Variants in OLFM3 observed in about 807,000 individuals in gnomAD.
The protein encoded by OLFM3 is noelin-3.
OLFM3 carries 20 observed loss-of-function variants against 48.6 expected under a neutral mutation model. That is an observed-to-expected ratio of 0.41 (90% CI 0.29 to 0.60). The LOEUF (loss-of-function observed/expected upper bound fraction) is 0.60, where lower values mean the gene tolerates loss of function less well. OLFM3 is among the 20% of genes least tolerant of loss of function. The pLI is 0.28. For synonymous variants in OLFM3, 222 were observed against 198.1 expected (o/e 1.12, Z -1.01); for missense variants, 437 against 544.3 (o/e 0.80, Z 1.96).
intron 1 of OLFM3, among the ~76,000 whole-genome samples, chr1:101,933,642 A>G (rs529940735): frequency 1.3e-4 from 20 of 152,262 alleles, no homozygotes; most frequent in Non-Finnish European, 1.5e-4. Flanking sequence ...GAAGACAACC[A>G]TCTCTAAGGC....
At chr1:101,822,383 C>A in intron 4 of OLFM3, among the ~76,000 whole-genome samples, 1 of 152,076 alleles carries the variant, frequency 6.6e-6, no homozygotes, top group East Asian at 1.9e-4. Flanking sequence ...ATTGCCTGTC[C>A]TTGCTTCAGT....
intron 1 of OLFM3, among the ~76,000 whole-genome samples, chr1:101,873,541 T>C (rs74107965): frequency 6.6e-6 from 1 of 151,944 alleles, no homozygotes; most frequent in African/African-American, 2.4e-5. Flanking sequence ...TTAAGGAAAA[T>C]GTAACTGGCT....
chr1:101,983,543 C>T (rs1224917914), intron 1 of OLFM3, among the ~76,000 whole-genome samples: 1 of 152,190 alleles, frequency 6.6e-6, no homozygotes, highest in East Asian at 1.9e-4. Flanking sequence ...TTATGTCCAA[C>T]TCCTAAACTA....
chr1:101,826,566 G>C (rs1169063074), intron 3 of OLFM3, among the ~76,000 whole-genome samples: 1 of 152,078 alleles, frequency 6.6e-6, no homozygotes, highest in Non-Finnish European at 1.5e-5. Context: ...CTGATTTATG[G>C]GTTTGAGTTT....
intron 1 of OLFM3, among the ~76,000 whole-genome samples, chr1:101,912,069 T>C (rs1658776837): frequency 6.6e-6 from 1 of 152,202 alleles, no homozygotes. Context: ...ATCGAGCATC[T>C]CTGAGCTCTG....
rs548219055 is a variant in OLFM3 at position 101,815,458 on chromosome 1, A to G, written c.593-9276T>C. ...CAAGACTCCGTCTCAAAAAAAGAAA[A>G]AAAAAAAAAAAGGTTATCAGGCTGA... On this transcript the variant is annotated intron_variant, in intron 4 of 5. Transcript: ENST00000370103. Among the ~76,000 whole-genome samples the G allele has an allele frequency of 3.5e-4, 53 of 151,834 alleles. No homozygotes were observed. In the East Asian group the frequency reaches 7.4e-3, roughly 21 times the overall value.
chr1:101,960,028 C>T (rs908777219), intron 1 of OLFM3, among the ~76,000 whole-genome samples: 19 of 152,066 alleles, frequency 1.2e-4, no homozygotes, highest in African/African-American at 2.9e-4. Context: ...TTTTGCAACA[C>T]GACACTTGCA....
intron 1 of OLFM3, among the ~76,000 whole-genome samples, chr1:101,874,550 T>A (rs1479680891): frequency 6.6e-6 from 1 of 151,744 alleles, no homozygotes; most frequent in Non-Finnish European, 1.5e-5. Flanking sequence ...CTGTCAAATG[T>A]CTGGTACTAT....
intron 1 of OLFM3, among the ~76,000 whole-genome samples, chr1:101,914,150 T>C (rs1658850401): frequency 6.6e-6 from 1 of 152,196 alleles, no homozygotes; most frequent in East Asian, 1.9e-4. Flanking sequence ...ATGTTTATTA[T>C]ATGTTGTAGT....
At chr1:101,935,871 C>A (rs1270755808) in intron 1 of OLFM3, among the ~76,000 whole-genome samples, 1 of 152,036 alleles carries the variant, frequency 6.6e-6, no homozygotes, top group Non-Finnish European at 1.5e-5. Flanking sequence ...AAAACAAAAA[C>A]CACATGATCA....
intron 4 of OLFM3, among the ~76,000 whole-genome samples, chr1:101,815,579 G>A (rs1044907802): frequency 2.0e-5 from 3 of 151,208 alleles, no homozygotes; most frequent in African/African-American, 7.3e-5. Flanking sequence ...ACTAGGCTTT[G>A]GATTAGATGT....
At chr1:101,949,907 G>C (rs1324470022) in intron 1 of OLFM3, among the ~76,000 whole-genome samples, 1 of 128,140 alleles carries the variant, frequency 7.8e-6, no homozygotes, top group Non-Finnish European at 1.6e-5. Context: ...ACTCCAGCCT[G>C]GGCAACAGAG....
intron 3 of OLFM3, among the ~76,000 whole-genome samples, chr1:101,827,652 A>G (rs1654926292): frequency 6.6e-6 from 1 of 152,170 alleles, no homozygotes; most frequent in African/African-American, 2.4e-5. Flanking sequence ...AACTCCACAA[A>G]TATATGTTGA....
At chr1:101,836,849 A>C (rs752650761) in intron 2 of OLFM3, 30 bp downstream of exon 2, 2 of 1,608,492 alleles carry the variant, frequency 1.2e-6, no homozygotes, top group South Asian at 2.2e-5. Flanking sequence ...ATTTTACTAA[A>C]AATATGCATA....
chr1:101,917,730 T>C (rs928012343), intron 1 of OLFM3, among the ~76,000 whole-genome samples: 2 of 152,226 alleles, frequency 1.3e-5, no homozygotes, highest in Non-Finnish European at 2.9e-5. Flanking sequence ...AAACACTATA[T>C]TTTATAAATC....
intron 1 of OLFM3, among the ~76,000 whole-genome samples, chr1:101,865,498 C>G (rs371150013): frequency 1.9e-4 from 29 of 152,282 alleles, no homozygotes; most frequent in African/African-American, 6.7e-4. Context: ...GTTTCATATT[C>G]TGGTAGCTTC....
At chr1:101,964,855 G>C (rs1660566194) in intron 1 of OLFM3, among the ~76,000 whole-genome samples, 1 of 152,332 alleles carries the variant, frequency 6.6e-6, no homozygotes, top group African/African-American at 2.4e-5. Context: ...AGTAGAAACT[G>C]GGTTAGATGA....
intron 1 of OLFM3, among the ~76,000 whole-genome samples, chr1:101,860,958 A>G (rs941270627): frequency 1.3e-5 from 2 of 152,138 alleles, no homozygotes; most frequent in African/African-American, 2.4e-5. Context: ...TCATGCTTTC[A>G]CATAATTCAC....
At chr1:101,883,304 T>C (rs1657609222) in intron 1 of OLFM3, among the ~76,000 whole-genome samples, 1 of 149,810 alleles carries the variant, frequency 6.7e-6, no homozygotes. Context: ...ATATATAATA[T>C]ATATACACAC....
Sources: gnomAD v4.1 joint callset for allele counts (sites outside exome capture counted in the v4.1 genomes callset) on GRCh38, gnomAD v4.1.1 for gene constraint, MANE v1.5 for transcripts, NCBI Gene and HGNC (gene_info 2026-07-23, HGNC 2026-07-21) for gene names.